Variants in DUSP8 observed in about 807,000 individuals in gnomAD.
DUSP8 encodes dual specificity protein phosphatase 8.
DUSP8 carries 15 observed loss-of-function variants against 38.7 expected under a neutral mutation model. The observed-to-expected ratio is 0.39, with a 90% confidence interval of 0.26 to 0.60. The LOEUF (loss-of-function observed/expected upper bound fraction) is 0.60. DUSP8 is among the 20% of genes least tolerant of loss of function. The probability of loss-of-function intolerance (pLI) is 0.56; values close to 1 mark genes in which losing one functional copy is unlikely to be tolerated. For missense variants in DUSP8, 768 were observed against 915.0 expected, an observed-to-expected ratio of 0.84 and a Z score of 2.07; for synonymous variants, 458 against 433.9, an observed-to-expected ratio of 1.06 and a Z score of -0.69.
In DUSP8 at chr11:1,563,983, C is replaced by A. The variant is rs1223004343; in HGVS notation, c.238G>T (p.Ala80Ser). The change falls in exon 3 of 7, where the codon GCT (alanine) becomes TCT (serine). Residue 80 changes from alanine (A) to serine (S), a missense_variant. Around this residue, in one of 3 missense-constraint regions of DUSP8, gnomAD observed 252 missense variants for 410.4 expected, o/e 0.61. Transcript: ENST00000397374. ...ACCACCACGTCCTGTGGCTCCGTAG[C>A]CTCCACCTGGGGGCCATGGGGCAGA... ...IQPAARSQVEATEPQDVVVYD... is the reference protein window; with the variant it reads ...IQPAARSQVESTEPQDVVVYD... 10 of 1,481,326 alleles carry A rather than the reference C, an allele frequency of 6.8e-6. No homozygotes were observed. The highest frequency in any genetic ancestry group is 1.4e-5 in the African/African-American group (1 of 70,976). 91.8% of individuals were successfully genotyped at this position (1,481,326 alleles called of 1,614,324 possible).
Position 1,557,482 on chromosome 11 carries a change from G to A in DUSP8, c.914C>T (p.Ala305Val). 2 of 1,572,218 alleles carry A rather than the reference G, an allele frequency of 1.3e-6. No homozygotes were observed. The part of the protein sequence containing the change: ...EYERSLKLLA[A>V]LQGDPGTPSG... ...GGGGGTGCCCGGGTCGCCCTGCAGG[G>A]CGGCCAGCAGCTTCAGGCTGCGCTC... is the stretch of plus-strand genomic sequence containing the variant. The change falls in exon 7 of 7, where the codon GCC becomes GTC. Residue 305 changes from alanine to valine, a missense_variant. By Grantham distance (64) the Ala-to-Val change is moderately conservative. This residue lies in a region of DUSP8 where 474 missense variants were observed against 430.8 expected (regional missense o/e 1.10). Transcript: ENST00000397374. This position sits in a 1 kb window ranked among gnomAD's most constrained non-coding sequence, Gnocchi z 9.9.
chr11:1,563,756 G>A (rs552194759), intron 3 of DUSP8, 95 bp downstream of exon 3: 10 of 1,303,756 alleles, frequency 7.7e-6, no homozygotes, highest in Admixed American at 3.1e-5. Context: ...AGATCCCCCC[G>A]TGCCCAGCGG....
At position 1,558,466 on chromosome 11, in the gene DUSP8, C is replaced by A. The variant is rs975063434; in HGVS notation, c.538-195G>T. Among the ~76,000 whole-genome samples, 1 of 147,044 alleles carries A rather than the reference C, an allele frequency of 6.8e-6. No individual in the cohort carries two copies. Among genetic ancestry groups the A allele is most frequent in the African/African-American group, 2.5e-5 (1 of 40,320 alleles). On this transcript the variant is annotated intron_variant, in intron 4 of 6. Coordinates refer to ENST00000397374, the MANE Select transcript of DUSP8 (RefSeq NM_004420.3). The surrounding 1 kb of genome is among the most constrained non-coding windows in gnomAD (Gnocchi z 6.3). ...TCCACCCTGGCACCCTGGGCCCGTGCGGGGGGTGGGGCACGGCTGGCCTCC... is the reference window on the plus strand; with the variant it reads ...TCCACCCTGGCACCCTGGGCCCGTGAGGGGGGTGGGGCACGGCTGGCCTCC...
chr11:1,556,647 G>C lies in DUSP8; in HGVS notation c.1749C>G (p.Phe583Leu), dbSNP rs1266279547. ...ACTCCATCTGGCAGCTGCGGCGCTT[G>C]AACTGCGTCTCCGGGGCCGGCTCCT... ...WPEEPAPETQ[F>L]KRRSCQMEFE... is the part of the protein sequence containing the mutation. Residue 583 changes from phenylalanine (F) to leucine (L), a missense_variant, in exon 7 of 7, where the codon TTC (phenylalanine) becomes TTG (leucine). This residue lies in a region of DUSP8 where 474 missense variants were observed against 430.8 expected (regional missense o/e 1.10). Transcript: ENST00000397374. The surrounding 1 kb of genome is among the most constrained non-coding windows in gnomAD (Gnocchi z 5.2). 7.8e-6 allele frequency: 11 copies of C among 1,413,634 alleles called. No homozygotes were observed. The highest frequency in any genetic ancestry group is 3.0e-5 in the East Asian group (1 of 32,916). The allele number at this position is 1,413,634 out of a possible 1,614,324, so 87.6% of individuals were successfully genotyped here.
At position 1,554,914 on chromosome 11, in the gene DUSP8, A is replaced by G; in HGVS notation, c.*1604T>C. On this transcript the variant is annotated 3_prime_UTR_variant, in exon 7 of 7. Transcript: ENST00000397374. ...GGGTGGGGACAGAGGGAACGGGAAC[A>G]GGACTTTTGCTGAAAGGAGGGATGA... 1.0e-6 allele frequency: 1 copy of G among 985,458 alleles called. No homozygotes were observed. Among genetic ancestry groups the G allele is most frequent in the African/African-American group, 1.7e-5 (1 of 57,366 alleles). The allele number at this position is 985,458 out of a possible 1,614,324, so 61.0% of individuals were successfully genotyped here.
In DUSP8 at chr11:1,556,132, G is replaced by A. The variant is rs1399863897; in HGVS notation, c.*386C>T. On this transcript the variant is annotated 3_prime_UTR_variant, in exon 7 of 7. Coordinates refer to ENST00000397374, the MANE Select transcript of DUSP8 (RefSeq NM_004420.3). The surrounding 1 kb of genome is among the most constrained non-coding windows in gnomAD (Gnocchi z 5.2). Reference sequence around the variant, plus strand: ...CTGCGGCTCAGTTTGTGGCAAAGAAGTTTTTTTTTCCTTTTTTTCACCTTT... The same window carrying A: ...CTGCGGCTCAGTTTGTGGCAAAGAAATTTTTTTTTCCTTTTTTTCACCTTT... 1.2e-5 allele frequency: 2 copies of A among 162,824 alleles called. No individual in the cohort carries two copies. The highest frequency in any genetic ancestry group is 2.7e-5 in the Non-Finnish European group (2 of 75,352). 10.1% of individuals were successfully genotyped at this position (162,824 alleles called of 1,614,324 possible).
intron 2 of DUSP8, 36 bp from the exon 3 acceptor site, chr11:1,564,025 C>T (rs779004993): frequency 2.1e-6 from 3 of 1,412,480 alleles, no homozygotes; most frequent in South Asian, 3.1e-5. Flanking sequence ...CATGCCGCCT[C>T]CACCTATCGA....
chr11:1,565,452 G>A (rs888667884), intron 2 of DUSP8, 144 bp downstream of exon 2: 5 of 679,488 alleles, frequency 7.4e-6, no homozygotes, highest in African/African-American at 7.1e-5. Flanking sequence ...TGCCAGGGAG[G>A]ACTGCTCCAC....
intron 3 of DUSP8, 22 bp downstream of exon 3, chr11:1,563,817 AAGTGCCTCGGGG>A (rs749666980): frequency 4.1e-6 from 6 of 1,447,352 alleles, no homozygotes; most frequent in Non-Finnish European, 4.6e-6. Flanking sequence ...CTGGCGGAGC[AAGTGCCTCGGGG>A]AGGCGTGGGT....
chr11:1,560,980 C>T (rs1051264362), intron 3 of DUSP8, among the ~76,000 whole-genome samples: 6 of 152,128 alleles, frequency 3.9e-5, no homozygotes, highest in Non-Finnish European at 7.4e-5. Context: ...TCAGCAATTC[C>T]CCAGGAAGCT....
At chr11:1,559,447 G>C (rs1351656510) in intron 3 of DUSP8, 1 of 211,934 alleles carries the variant, frequency 4.7e-6, no homozygotes, top group Non-Finnish European at 9.3e-6. Context: ...ACACAGCCCA[G>C]AGGAGAGGCC....
intron 1 of DUSP8, among the ~76,000 whole-genome samples, chr11:1,570,648 C>T (rs939844714): frequency 6.6e-6 from 1 of 152,182 alleles, no homozygotes; most frequent in South Asian, 2.1e-4. Flanking sequence ...GTGCAGCCCC[C>T]GGCTGGCTGC....
intron 3 of DUSP8, 76 bp downstream of exon 3, chr11:1,563,775 C>T (rs1385390762): frequency 7.1e-7 from 1 of 1,404,532 alleles, no homozygotes; most frequent in African/African-American, 1.5e-5. Context: ...GGACACCTCC[C>T]TGATGCCCCA....
In DUSP8 at chr11:1,558,808, C is replaced by A; in HGVS notation, c.537+81G>T. The stretch of plus-strand genomic sequence containing the variant: ...GCCTTCAGCTCCTTTCCTCCCTCAT[C>A]CCCCGCTCCGCTGCCAAGCTGCTTC... On this transcript the variant is annotated intron_variant, in intron 4 of 6. Coordinates refer to ENST00000397374, the MANE Select transcript of DUSP8 (RefSeq NM_004420.3). This position sits in a 1 kb window ranked among gnomAD's most constrained non-coding sequence, Gnocchi z 6.3. The A allele has an allele frequency of 4.0e-6, 6 of 1,493,160 alleles. No individual in the cohort carries two copies. The highest frequency in any genetic ancestry group is 2.3e-5 in the East Asian group (1 of 43,070). The allele number at this position is 1,493,160 out of a possible 1,614,324, so 92.5% of individuals were successfully genotyped here.
Position 1,558,867 on chromosome 11 carries a change from C to G in DUSP8, c.537+22G>C. 2 of 1,583,968 alleles carry G rather than the reference C, an allele frequency of 1.3e-6. No individual in the cohort carries two copies. The highest frequency in any genetic ancestry group is 1.4e-5 in the African/African-American group (1 of 74,020). The stretch of plus-strand genomic sequence containing the variant: ...CTGCCCCTTTCCCATTGACCACCCC[C>G]CGAACTCCACTGCACACACACCTTG... On this transcript the variant is annotated intron_variant, in intron 4 of 6. Coordinates refer to ENST00000397374, the MANE Select transcript of DUSP8 (RefSeq NM_004420.3). This position sits in a 1 kb window ranked among gnomAD's most constrained non-coding sequence, Gnocchi z 6.3.
Position 1,556,955 on chromosome 11 carries a change from G to A in DUSP8, c.1441C>T (p.Arg481Trp), listed in dbSNP as rs1174012545. Residue 481 changes from arginine (R) to tryptophan (W), a missense_variant, in exon 7 of 7, where the codon CGG (arginine) becomes TGG (tryptophan). By Grantham distance (101) the Arg-to-Trp change is moderately radical. Transcript: ENST00000397374. This position sits in a 1 kb window ranked among gnomAD's most constrained non-coding sequence, Gnocchi z 5.2. ...SLGLNFGDAA[R>W]QTPRHGLSAL... ...GAGAGGCCGTGCCGCGGAGTCTGCC[G>A]GGCCGCATCGCCGAAGTTCAGGCCG... The A allele has an allele frequency of 1.9e-6, 2 of 1,066,358 alleles. No individual in the cohort carries two copies. The highest frequency in any genetic ancestry group is 3.5e-5 in the South Asian group (1 of 28,688). 66.1% of individuals were successfully genotyped at this position (1,066,358 alleles called of 1,614,324 possible). A position where few individuals can be genotyped will look rare whatever the true frequency, so the allele number is the denominator to read the frequency against.
Sources: gnomAD v4.1 joint callset for allele counts (sites outside exome capture counted in the v4.1 genomes callset) on GRCh38, gnomAD v4.1.1 for gene constraint, gnomAD v4.1.1 regional missense constraint, Gnocchi (gnomAD v3.1) non-coding constraint, MANE v1.5 for transcripts, NCBI Gene and HGNC (gene_info 2026-07-23, HGNC 2026-07-21) for gene names.